Variants in CELSR1 observed in about 807,000 individuals in gnomAD.
The protein encoded by CELSR1 is cadherin EGF LAG seven-pass G-type receptor 1.
CELSR1 carries 110 observed loss-of-function variants against 249.1 expected under a neutral mutation model. The observed-to-expected ratio is 0.44, with a 90% CI of 0.38 to 0.52. CELSR1 has a LOEUF of 0.52. CELSR1 is among the 20% of genes least tolerant of loss of function. The pLI, the probability that CELSR1 is intolerant of heterozygous loss-of-function variation, is 0.00. For missense variants in CELSR1, 4,109 were observed against 4,296.4 expected (o/e 0.96, Z 1.22); for synonymous variants, 2,113 against 1,900.0 (o/e 1.11, Z -2.92).
At chr22:46,379,043 C>T (rs1011336251) in intron 22 of CELSR1, among the ~76,000 whole-genome samples, 5 of 152,348 alleles carry the variant, frequency 3.3e-5, no homozygotes, top group Admixed American at 6.5e-5. Flanking sequence ...TCAAGTTCTA[C>T]GTGCCATCTA....
At chr22:46,499,148 C>T (rs1000033673) in intron 1 of CELSR1, among the ~76,000 whole-genome samples, 2 of 150,642 alleles carry the variant, frequency 1.3e-5, no homozygotes, top group Non-Finnish European at 2.9e-5. Context: ...CCACTGCACT[C>T]CAGCCTGGGC....
rs1022467838 is a variant in CELSR1, at chr22:46,506,675, C to G, written c.3544+26952G>C. On this transcript the variant is annotated intron_variant, in intron 1 of 34. Coordinates refer to ENST00000674500, the MANE Select transcript of CELSR1 (RefSeq NM_001378328.1). This position sits in a 1 kb window ranked among gnomAD's most constrained non-coding sequence, Gnocchi z 4.1. ...CAGTTTTCAGGGCATACCCTCCCTA[C>G]CCGCAGTGACGCACAGCCGCTGAGA... 6.6e-6 allele frequency among the ~76,000 whole-genome samples: 1 copy of G among 152,220 alleles called. No individual in the cohort carries two copies.
At chr22:46,418,200 G>A (rs990609067) in intron 5 of CELSR1, among the ~76,000 whole-genome samples, 2 of 152,244 alleles carry the variant, frequency 1.3e-5, no homozygotes, top group African/African-American at 4.8e-5. Context: ...TAATACAGGG[G>A]CTGAACGCAG....
intron 1 of CELSR1, among the ~76,000 whole-genome samples, chr22:46,529,759 T>C (rs181934401): frequency 2.0e-5 from 3 of 151,514 alleles, no homozygotes; most frequent in Admixed American, 6.6e-5. Context: ...GCCGAGATCA[T>C]GTCACTGCAC....
rs755407987 is a variant in CELSR1 at position 46,434,255 on chromosome 22, T to A, written c.4523-774A>T. 5.9e-5 allele frequency among the ~76,000 whole-genome samples: 9 copies of A among 152,190 alleles called. No homozygotes were observed. The highest frequency in any genetic ancestry group is 1.2e-4 in the Non-Finnish European group (8 of 68,028). On this transcript the variant is annotated intron_variant, in intron 4 of 34. Coordinates refer to ENST00000674500, the MANE Select transcript of CELSR1 (RefSeq NM_001378328.1). This position sits in a 1 kb window ranked among gnomAD's most constrained non-coding sequence, Gnocchi z 4.9. ...ATCTCTGCTTTGGGGTGTCTGTCAT[T>A]TCCACCCCTTGAGCTCCTGCTGGAG...
At chr22:46,509,691 T>C (rs1445376692) in intron 1 of CELSR1, among the ~76,000 whole-genome samples, 1 of 151,848 alleles carries the variant, frequency 6.6e-6, no homozygotes, top group Non-Finnish European at 1.5e-5. Context: ...AAGTGAGTAG[T>C]GAGTACGGGA....
At chr22:46,511,303 A>C (rs769933387) in intron 1 of CELSR1, among the ~76,000 whole-genome samples, 10 of 152,178 alleles carry the variant, frequency 6.6e-5, no homozygotes, top group Non-Finnish European at 1.3e-4. Context: ...TGAGAACCAC[A>C]CGCAAAGCAG....
At chr22:46,469,892 G>C (rs2080136114) in intron 1 of CELSR1, among the ~76,000 whole-genome samples, 1 of 98,804 alleles carries the variant, frequency 1.0e-5, no homozygotes, top group Non-Finnish European at 2.1e-5. Flanking sequence ...TGTAGGTCTT[G>C]TTCCTGCTGC....
intron 24 of CELSR1, among the ~76,000 whole-genome samples, chr22:46,375,037 A>G (rs2078903675): frequency 6.6e-6 from 1 of 152,100 alleles, no homozygotes; most frequent in South Asian, 2.1e-4. Context: ...AGGCTTCTCA[A>G]GGGTGACCTG....
chr22:46,403,154 A>G (rs760465293), intron 9 of CELSR1, among the ~76,000 whole-genome samples: 1 of 152,188 alleles, frequency 6.6e-6, no homozygotes, highest in Non-Finnish European at 1.5e-5. Context: ...ATATAGCAAA[A>G]ATCAAGATTA....
intron 3 of CELSR1, among the ~76,000 whole-genome samples, chr22:46,438,475 A>G (rs2079694073): frequency 3.3e-5 from 5 of 152,272 alleles, no homozygotes; most frequent in Admixed American, 3.3e-4. Context: ...TTATGATTTT[A>G]CTTTTAAAGG....
rs868405270 is a variant in CELSR1, at chr22:46,537,493, G to T, written c.-323C>A. Among the ~76,000 whole-genome samples the T allele has an allele frequency of 1.0e-4, 15 of 149,308 alleles. No homozygotes were observed. The highest frequency in any genetic ancestry group is 3.4e-3 in the Middle Eastern group (1 of 290). On this transcript the variant is annotated 5_prime_UTR_variant, in exon 1 of 35. Coordinates refer to ENST00000674500, the MANE Select transcript of CELSR1 (RefSeq NM_001378328.1). The surrounding 1 kb of genome is among the most constrained non-coding windows in gnomAD (Gnocchi z 5.8). ...GCGGCTCCAGGTGGCTCCGGCGCGG[G>T]CTCGGCCGGACGGGCGTGGGAAGCG...
At chr22:46,485,996 G>A (rs1489557094) in intron 1 of CELSR1, among the ~76,000 whole-genome samples, 1 of 145,612 alleles carries the variant, frequency 6.9e-6, no homozygotes, top group African/African-American at 2.6e-5. Context: ...GGAGTGCAGT[G>A]GCGTGACCTC....
intron 1 of CELSR1, among the ~76,000 whole-genome samples, chr22:46,467,729 G>A (rs1392649796): frequency 1.3e-5 from 2 of 152,058 alleles, no homozygotes; most frequent in African/African-American, 4.8e-5. Flanking sequence ...GGCTGAGGCA[G>A]GAGAATGGCA....
chr22:46,416,550 C>G (rs187499636), intron 5 of CELSR1, among the ~76,000 whole-genome samples: 1 of 152,192 alleles, frequency 6.6e-6, no homozygotes, highest in East Asian at 1.9e-4. Flanking sequence ...CACCCCTCGG[C>G]GGGCAACCCT....
chr22:46,493,095 A>C (rs950079407), intron 1 of CELSR1, among the ~76,000 whole-genome samples: 278 of 150,996 alleles, frequency 1.8e-3, no homozygotes, highest in Non-Finnish European at 3.3e-3. Context: ...AATAAAAGTA[A>C]AAAAATTAGC....
intron 18 of CELSR1, among the ~76,000 whole-genome samples, chr22:46,387,748 T>C (rs370644402): frequency 2.0e-5 from 3 of 152,140 alleles, no homozygotes; most frequent in East Asian, 3.8e-4. Flanking sequence ...TGTCAGAGGC[T>C]GGGACTCTGG....
chr22:46,489,313 C>G (rs115464794), intron 1 of CELSR1, among the ~76,000 whole-genome samples: 1 of 151,818 alleles, frequency 6.6e-6, no homozygotes, highest in African/African-American at 2.4e-5. Context: ...TGCTCTCTGA[C>G]GAGGGCACTT....
In CELSR1 at chr22:46,526,395, A is replaced by G. The variant is rs2080739256; in HGVS notation, c.3544+7232T>C. 6.6e-6 allele frequency among the ~76,000 whole-genome samples: 1 copy of G among 152,150 alleles called. No individual in the cohort carries two copies. On this transcript the variant is annotated intron_variant, in intron 1 of 34. Transcript: ENST00000674500. This position sits in a 1 kb window ranked among gnomAD's most constrained non-coding sequence, Gnocchi z 4.7. ...GCCAACTCTGCTGGGCCTTTAGCTC[A>G]GCCTTGTGCAGGCCTGTCCCCATGA...
Sources: gnomAD v4.1 joint callset for allele counts (sites outside exome capture counted in the v4.1 genomes callset) on GRCh38, gnomAD v4.1.1 for gene constraint, Gnocchi (gnomAD v3.1) non-coding constraint, MANE v1.5 for transcripts, NCBI Gene and HGNC (gene_info 2026-07-23, HGNC 2026-07-21) for gene names.